ZNF184: variants seen among roughly 807,000 people sequenced by gnomAD.
ZNF184 encodes the protein zinc finger protein 184 (Kruppel-like).
In ZNF184, 16 loss-of-function variants were observed where a neutral mutation model predicts 54.4. The ratio of observed to expected loss-of-function variants is 0.29; its 90% CI spans 0.20 to 0.45. The LOEUF is 0.45. Ranked by LOEUF, ZNF184 falls within the 20% of genes least tolerant of loss-of-function variation. The pLI is 1.00. For missense variants in ZNF184, 681 were observed against 888.2 expected, an observed-to-expected ratio of 0.77 and a Z score of 2.97; for synonymous variants, 254 against 295.3, an observed-to-expected ratio of 0.86 and a Z score of 1.43.
Position 27,451,365 on chromosome 6 carries a change from C to T in ZNF184, c.2194G>A (p.Gly732Arg). The T allele has an allele frequency of 3.1e-6, 5 of 1,613,892 alleles. No individual in the cohort carries two copies. Among genetic ancestry groups the T allele is most frequent in the Admixed American group, 1.7e-5 (1 of 59,982 alleles). Residue 732 changes from glycine (G) to arginine (R), a missense_variant, in exon 6 of 6, where the codon GGA (glycine) becomes AGA (arginine). Physicochemically the swap from Gly to Arg is moderately radical, Grantham distance 125 (BLOSUM62 -2). Transcript: ENST00000683788. Reference protein sequence around the residue: ...GEKPFGCNDCGKSFRYRSALN... With the variant: ...GEKPFGCNDCRKSFRYRSALN... ...GCAGAGCGATATCTGAAGGATTTTCCACAATCATTACATCCAAAAGGCTTC... is the reference window on the plus strand; with the variant it reads ...GCAGAGCGATATCTGAAGGATTTTCTACAATCATTACATCCAAAAGGCTTC...
chr6:27,460,787 C>T (rs1762975492), intron 3 of ZNF184, among the ~76,000 whole-genome samples: 1 of 152,122 alleles, frequency 6.6e-6, no homozygotes, highest in Non-Finnish European at 1.5e-5. Flanking sequence ...ACAGTCGGCC[C>T]CCACAAACAG....
the ZNF184 span, among the ~76,000 whole-genome samples, chr6:27,424,216 C>T: frequency 6.6e-6 from 1 of 151,846 alleles, no homozygotes; most frequent in Non-Finnish European, 1.5e-5. Flanking sequence ...TCGTTCTTCA[C>T]GGTGAGGTCT....
the ZNF184 span, among the ~76,000 whole-genome samples, chr6:27,417,248 A>G: frequency 1.3e-4 from 20 of 152,336 alleles, no homozygotes; most frequent in African/African-American, 4.8e-4. Flanking sequence ...AAAAATGTCA[A>G]AAAATATATT....
At chr6:27,422,156 G>GAAAGAAAGAAAGAA in the ZNF184 span, among the ~76,000 whole-genome samples, 2 of 26,354 alleles carry the variant, frequency 7.6e-5, 1 homozygote. Context: ...AAAAAAGAAA[G>GAAAGAAAGAAAGAA]AAAGAAAGAA....
Position 27,457,422 on chromosome 6 carries a change from A to G in ZNF184, c.76-13T>C. On this transcript the variant is annotated splice_polypyrimidine_tract_variant and intron_variant, in intron 3 of 5. Transcript: ENST00000683788. ...AAGTCACCGCTTCCTGAAATACCAA[A>G]CATATTTCTGCTTAGCCATAAGCAT... 6.2e-7 allele frequency: 1 copy of G among 1,613,380 alleles called. No individual in the cohort carries two copies.
chr6:27,424,859 G>T, the ZNF184 span, among the ~76,000 whole-genome samples: 5 of 152,214 alleles, frequency 3.3e-5, no homozygotes, highest in African/African-American at 1.2e-4. Flanking sequence ...CGATGGGACT[G>T]GGCGCCGTGG....
chr6:27,435,675 G>A, the ZNF184 span, among the ~76,000 whole-genome samples: 10 of 152,066 alleles, frequency 6.6e-5, no homozygotes, highest in African/African-American at 2.4e-4. Context: ...CCAATAATGT[G>A]TTGTAAATTC....
At chr6:27,415,765 GTCATAT>G in the ZNF184 span, among the ~76,000 whole-genome samples, 1 of 152,162 alleles carries the variant, frequency 6.6e-6, no homozygotes, top group Non-Finnish European at 1.5e-5. Context: ...TCCTGGTTCT[GTCATAT>G]ATTGGCAGTG....
downstream of ZNF184, among the ~76,000 whole-genome samples, chr6:27,448,194 T>A (rs1162262512): frequency 6.6e-6 from 1 of 152,222 alleles, no homozygotes; most frequent in East Asian, 1.9e-4. Flanking sequence ...TGGTAAATCC[T>A]TTCAAGTTGC....
the ZNF184 span, among the ~76,000 whole-genome samples, chr6:27,436,884 T>C: frequency 9.6e-3 from 1,458 of 152,212 alleles, 27 homozygotes; most frequent in African/African-American, 0.033. Context: ...AAGGAGGACA[T>C]GAAAAAGGCA....
chr6:27,452,903 T>C lies in ZNF184; in HGVS notation c.656A>G (p.Glu219Gly), dbSNP rs1215684893. Residue 219 changes from glutamate to glycine, a missense_variant, in exon 6 of 6, where the codon GAG becomes GGG. Physicochemically the swap from Glu to Gly is moderately conservative, Grantham distance 98. Coordinates refer to ENST00000683788, the MANE Select transcript of ZNF184 (RefSeq NM_001318891.2). The surrounding 1 kb of genome is among the most constrained non-coding windows in gnomAD (Gnocchi z 5.5). ...IKQNSNPVKK[E>G]KSCKCNECGK... ...ACATTCATTGCACTTACAAGATTTC[T>C]CTTTTTTAACTGGGTTTGAATTCTG... The C allele has an allele frequency of 6.2e-7, 1 of 1,614,212 alleles. No individual in the cohort carries two copies. The highest frequency in any genetic ancestry group is 2.2e-5 in the East Asian group (1 of 44,880).
intron 3 of ZNF184, among the ~76,000 whole-genome samples, chr6:27,465,343 G>C (rs1178255912): frequency 6.6e-6 from 1 of 151,110 alleles, no homozygotes; most frequent in Non-Finnish European, 1.5e-5. Flanking sequence ...AAATTAGCCA[G>C]GCATGGTGGC....
At chr6:27,422,431 C>G in the ZNF184 span, among the ~76,000 whole-genome samples, 1 of 151,882 alleles carries the variant, frequency 6.6e-6, no homozygotes, top group Non-Finnish European at 1.5e-5. Context: ...TTGATTTCTT[C>G]TTCCCTTTAA....
chr6:27,447,434 C>T (rs994825681), downstream of ZNF184, among the ~76,000 whole-genome samples: 2 of 152,036 alleles, frequency 1.3e-5, no homozygotes, highest in African/African-American at 2.4e-5. Context: ...TTAGGTCGGC[C>T]GGGCACAGTG....
the ZNF184 span, among the ~76,000 whole-genome samples, chr6:27,423,214 T>C: frequency 0.59 from 90,433 of 152,024 alleles, 27,245 homozygotes; most frequent in Middle Eastern, 0.75. Context: ...CCACGCGCCT[T>C]AGAAACCCCG....
At position 27,472,172 on chromosome 6, in the gene ZNF184, A is replaced by G; in HGVS notation, c.7+116T>C. On this transcript the variant is annotated intron_variant, in intron 2 of 5. Coordinates refer to ENST00000683788, the MANE Select transcript of ZNF184 (RefSeq NM_001318891.2). This position sits in a 1 kb window ranked among gnomAD's most constrained non-coding sequence, Gnocchi z 4.8. Reference sequence around the variant, plus strand: ...TAATTCGGTTTCTTTGCTAATCCCTAAGCATACCGTTCCTTCCTTCCAAAT... The same window carrying G: ...TAATTCGGTTTCTTTGCTAATCCCTGAGCATACCGTTCCTTCCTTCCAAAT... 7.2e-7 allele frequency: 1 copy of G among 1,398,160 alleles called. No individual in the cohort carries two copies. The highest frequency in any genetic ancestry group is 1.8e-4 in the Middle Eastern group (1 of 5,512). The allele number at this position is 1,398,160 out of a possible 1,614,324, so 86.6% of individuals were successfully genotyped here. A position where few individuals can be genotyped will look rare whatever the true frequency, so the allele number is the denominator to read the frequency against.
At chr6:27,446,901 T>A (rs1017218287), downstream of ZNF184, among the ~76,000 whole-genome samples, 4 of 151,920 alleles carry the variant, frequency 2.6e-5, no homozygotes, top group African/African-American at 9.7e-5. Context: ...TCCCAGCATT[T>A]TGGGAGGCTG....
the ZNF184 span, among the ~76,000 whole-genome samples, chr6:27,412,497 ACT>A: frequency 6.6e-6 from 1 of 152,092 alleles, no homozygotes; most frequent in Non-Finnish European, 1.5e-5. Context: ...CTTCCCCTTC[ACT>A]CTGTAGTCAG....
rs758822855 is a variant in ZNF184, at chr6:27,452,320, A to G, written c.1239T>C (p.Thr413=). The G allele has an allele frequency of 3.1e-6, 5 of 1,613,956 alleles. No homozygotes were observed. In the South Asian group the frequency reaches 5.5e-5, roughly 18 times the overall value. The change falls in exon 6 of 6, where the codon ACT becomes ACC. Residue 413 remains threonine, a synonymous_variant. Coordinates refer to ENST00000683788, the MANE Select transcript of ZNF184 (RefSeq NM_001318891.2). This position sits in a 1 kb window ranked among gnomAD's most constrained non-coding sequence, Gnocchi z 5.5. The stretch of plus-strand genomic sequence containing the variant: ...CATTGCATTCGTACGGTTTTTCACC[A>G]GTATGAATCATATGATGACGGATAA... ...STFIRHHMIH[T]GEKPYECNEC...
Sources: allele counts gnomAD v4.1 joint callset (sites outside exome capture counted in the v4.1 genomes callset), GRCh38; gene constraint gnomAD v4.1.1; non-coding constraint Gnocchi (gnomAD v3.1); transcripts MANE v1.5; gene names NCBI Gene and HGNC (gene_info 2026-07-23, HGNC 2026-07-21).